IBTK: variants seen among roughly 807,000 people sequenced by gnomAD.
IBTK encodes BTK-binding protein.
A neutral mutation model predicts 154.9 loss-of-function variants in IBTK; 83 were observed. The observed-to-expected ratio is 0.54, with a 90% CI of 0.45 to 0.64. IBTK has a LOEUF of 0.64. Among genes scored for constraint, IBTK ranks in the 30% least tolerant of loss-of-function variants. IBTK has a pLI of 0.00. For synonymous variants in IBTK, 515 were observed against 536.1 expected (o/e 0.96, Z 0.54); for missense variants, 1,332 against 1,584.6 (o/e 0.84, Z 2.71).
chr6:82,224,260 C>A, intron 6 of IBTK, 75 bp from the exon 7 acceptor site: 4 of 1,033,208 alleles, frequency 3.9e-6, no homozygotes, highest in African/African-American at 1.6e-5. Context: ...ATCCAGCAGA[C>A]CAGCAAATAT....
At chr6:82,208,919 T>A (rs1044179062) in intron 16 of IBTK, among the ~76,000 whole-genome samples, 2 of 151,988 alleles carry the variant, frequency 1.3e-5, no homozygotes, top group Non-Finnish European at 2.9e-5. Context: ...AGAAAAAAAG[T>A]GTCCAAAGGA....
intron 9 of IBTK, among the ~76,000 whole-genome samples, chr6:82,220,069 G>A (rs1031144234): frequency 5.3e-5 from 8 of 151,980 alleles, no homozygotes; most frequent in Non-Finnish European, 1.0e-4. Context: ...AATAAGCCAG[G>A]CGTAGTGGCA....
rs762153857 is a variant in IBTK, at chr6:82,196,316, A to G, written c.3156T>C (p.Phe1052=). 6.2e-6 allele frequency: 10 copies of G among 1,605,734 alleles called. No homozygotes were observed. The South Asian group carries it at 1.1e-4, about 18-fold the overall frequency. ...DLQSPDFTTG[F]HSDKIEAKVK... ...AACAAACCTCAATCTTATCTGAATG[A>G]AATCCTGTTGTGAAATCAGGGGACT... Residue 1052 remains phenylalanine (F), a synonymous_variant, in exon 22 of 29, where the codon TTT becomes TTC. Coordinates refer to ENST00000306270, the MANE Select transcript of IBTK (RefSeq NM_015525.4).
intron 16 of IBTK, chr6:82,205,923 C>T (rs605079): frequency 0.98 from 149,081 of 152,284 alleles, 72,973 homozygotes; most frequent in East Asian, 1. Context: ...AAATCTGACA[C>T]AGAAAACAGC....
At chr6:82,235,614 A>G (rs201041118) in intron 2 of IBTK, among the ~76,000 whole-genome samples, 1 of 152,126 alleles carries the variant, frequency 6.6e-6, no homozygotes, top group East Asian at 1.9e-4. Flanking sequence ...AAAAAAAATT[A>G]TCTGGAGAAG....
At chr6:82,216,292 G>A (rs766990988) in intron 10 of IBTK, 42 bp from the exon 11 acceptor site, 1 of 1,264,788 alleles carries the variant, frequency 7.9e-7, no homozygotes. Context: ...AGGCTTTACT[G>A]AAACTACTAA....
At chr6:82,204,826 CAT>C (rs1562087172) in intron 17 of IBTK, 29 bp downstream of exon 17, 2 of 1,283,320 alleles carry the variant, frequency 1.6e-6, no homozygotes, top group Admixed American at 3.8e-5. Flanking sequence ...AACCTGAAAA[CAT>C]ATTAATATTC....
At chr6:82,238,264 AT>A (rs1770809931) in intron 2 of IBTK, among the ~76,000 whole-genome samples, 1 of 152,022 alleles carries the variant, frequency 6.6e-6, no homozygotes, top group South Asian at 2.1e-4. Flanking sequence ...AATAATAAAA[AT>A]AAAATAAAAT....
intron 2 of IBTK, among the ~76,000 whole-genome samples, chr6:82,238,135 C>T (rs748933766): frequency 1.3e-5 from 2 of 151,716 alleles, no homozygotes; most frequent in East Asian, 1.9e-4. Flanking sequence ...TCTCAGGTAT[C>T]GGGAAGGCTG....
At position 82,225,498 on chromosome 6, in the gene IBTK, G is replaced by C. The variant is rs1055383386; in HGVS notation, c.804C>G (p.Ser268=). 6.2e-7 allele frequency: 1 copy of C among 1,612,556 alleles called. No individual in the cohort carries two copies. Among genetic ancestry groups the C allele is most frequent in the Non-Finnish European group, 8.5e-7 (1 of 1,179,390 alleles). Residue 268 remains serine (S), a synonymous_variant, in exon 6 of 29, where the codon TCC becomes TCG. Coordinates refer to ENST00000306270, the MANE Select transcript of IBTK (RefSeq NM_015525.4). ...FHQLGIIPPP[S]SCNVPRQIQA... ...TTACCTGTCTGGGTACATTACAACT[G>C]GAAGGCGGTGGAATAATTCCTAATT...
At position 82,181,936 on chromosome 6, in the gene IBTK, T is replaced by C; in HGVS notation, c.3668A>G (p.His1223Arg). 3 of 1,596,884 alleles carry C rather than the reference T, an allele frequency of 1.9e-6. No homozygotes were observed. Among genetic ancestry groups the C allele is most frequent in the African/African-American group, 1.4e-5 (1 of 73,950 alleles). Residue 1223 changes from histidine (H) to arginine (R), a missense_variant, in exon 26 of 29, where the codon CAT (histidine) becomes CGT (arginine). By Grantham distance (29) the His-to-Arg change is conservative. This residue lies in a region of IBTK where 1,134 missense variants were observed against 1,274.7 expected (regional missense o/e 0.89). Transcript: ENST00000306270. ...KSVTSHSSGD[H>R]VKKVSFKGIE... ...TCCTTTAAAAGAAACTTTTTTGACA[T>C]GATCGCCTGAACTATGGCTAGTAAC... is the stretch of plus-strand genomic sequence containing the variant.
At chr6:82,239,479 T>G (rs1770858275) in intron 2 of IBTK, among the ~76,000 whole-genome samples, 1 of 152,040 alleles carries the variant, frequency 6.6e-6, no homozygotes, top group Non-Finnish European at 1.5e-5. Context: ...GTTAATAATA[T>G]AGTTATTTAA....
At chr6:82,209,987 T>C (rs1219407205) in intron 16 of IBTK, among the ~76,000 whole-genome samples, 1 of 152,134 alleles carries the variant, frequency 6.6e-6, no homozygotes, top group African/African-American at 2.4e-5. Flanking sequence ...TAAAAAAAGG[T>C]CTATCCACTT....
chr6:82,213,019 G>C (rs1769709340), intron 12 of IBTK, among the ~76,000 whole-genome samples: 1 of 148,230 alleles, frequency 6.7e-6, no homozygotes, highest in Non-Finnish European at 1.5e-5. Flanking sequence ...CAAAGCCATA[G>C]CACAAAGTTT....
intron 25 of IBTK, among the ~76,000 whole-genome samples, chr6:82,184,570 T>C (rs1768471264): frequency 6.6e-6 from 1 of 152,190 alleles, no homozygotes; most frequent in African/African-American, 2.4e-5. Flanking sequence ...ATTTAAAATT[T>C]GCCTGGTTGG....
chr6:82,243,108 G>A (rs1401912323), intron 1 of IBTK, among the ~76,000 whole-genome samples: 2 of 150,162 alleles, frequency 1.3e-5, no homozygotes, highest in Non-Finnish European at 3.0e-5. Flanking sequence ...GGGTGTGGTG[G>A]CGGGCGCCTG....
At position 82,231,813 on chromosome 6, in the gene IBTK, T is replaced by C. The variant is rs764416795; in HGVS notation, c.448A>G (p.Asn150Asp). Reference protein sequence around the residue: ...DPTDVYTWGDNTNFTLGHGSQ... With the variant: ...DPTDVYTWGDDTNFTLGHGSQ... ...CCATGACCCAGGGTAAAATTTGTAT[T>C]ATCGCCCCAAGTATAAACATCTGTA... The change falls in exon 4 of 29, where the codon AAT (asparagine) becomes GAT (aspartate). Residue 150 changes from asparagine (N) to aspartate (D), a missense_variant. Physicochemically the swap from Asn to Asp is conservative, Grantham distance 23 (BLOSUM62 1). Around this residue, in one of 3 missense-constraint regions of IBTK, gnomAD observed 114 missense variants for 213.7 expected, o/e 0.53. Coordinates refer to ENST00000306270, the MANE Select transcript of IBTK (RefSeq NM_015525.4). 1 of 1,596,790 alleles carries C rather than the reference T, an allele frequency of 6.3e-7. No homozygotes were observed. Among genetic ancestry groups the C allele is most frequent in the Non-Finnish European group, 8.6e-7 (1 of 1,166,822 alleles).
chr6:82,206,666 C>T (rs1769424133), intron 16 of IBTK, among the ~76,000 whole-genome samples: 1 of 151,972 alleles, frequency 6.6e-6, no homozygotes, highest in Non-Finnish European at 1.5e-5. Flanking sequence ...AACCAATATC[C>T]CTTACAATTA....
chr6:82,187,654 A>T (rs1216753954), intron 25 of IBTK, among the ~76,000 whole-genome samples: 2 of 152,182 alleles, frequency 1.3e-5, no homozygotes, highest in African/African-American at 4.8e-5. Flanking sequence ...GGGTGACAGT[A>T]AAGAGGGAAG....
Sources: gnomAD v4.1 joint callset for allele counts (sites outside exome capture counted in the v4.1 genomes callset) on GRCh38, gnomAD v4.1.1 for gene constraint, gnomAD v4.1.1 regional missense constraint, MANE v1.5 for transcripts, NCBI Gene and HGNC (gene_info 2026-07-23, HGNC 2026-07-21) for gene names.